Variants in SLC4A4 observed in about 807,000 individuals in gnomAD.
SLC4A4 encodes the protein solute carrier family 4 member 4.
In SLC4A4, 27 loss-of-function variants were observed where a neutral mutation model predicts 111.5. The ratio of observed to expected loss-of-function variants is 0.24; its 90% CI spans 0.18 to 0.33. SLC4A4 has a LOEUF of 0.33. Ranked by LOEUF, SLC4A4 falls within the 10% of genes least tolerant of loss-of-function variation. The pLI is 1.00. For synonymous variants in SLC4A4, 443 were observed against 463.4 expected (o/e 0.96, Z 0.57); for missense variants, 909 against 1,315.5 (o/e 0.69, Z 4.78).
chr4:71,384,201 A>G (rs963059769), intron 6 of SLC4A4, among the ~76,000 whole-genome samples: 2 of 152,200 alleles, frequency 1.3e-5, no homozygotes, highest in African/African-American at 4.8e-5. Flanking sequence ...CTTTAGCTGA[A>G]TTGCGTAATT....
At chr4:71,212,767 T>C (rs1347647681) in intron 1 of SLC4A4, among the ~76,000 whole-genome samples, 1 of 152,118 alleles carries the variant, frequency 6.6e-6, no homozygotes, top group East Asian at 1.9e-4. Flanking sequence ...ATGGGATAGG[T>C]ACTAGGGAGC....
At chr4:71,552,412 T>C (rs1736081943) in intron 20 of SLC4A4, among the ~76,000 whole-genome samples, 1 of 151,696 alleles carries the variant, frequency 6.6e-6, no homozygotes, top group East Asian at 2.0e-4. Flanking sequence ...ATTATTCTGC[T>C]AGAAGGTCTC....
At chr4:71,490,980 A>T (rs1729847090) in intron 15 of SLC4A4, among the ~76,000 whole-genome samples, 1 of 151,644 alleles carries the variant, frequency 6.6e-6, no homozygotes, top group Non-Finnish European at 1.5e-5. Flanking sequence ...ATAATAAAAT[A>T]AAAAATGTTT....
chr4:71,505,314 G>A (rs1390538457), intron 16 of SLC4A4, among the ~76,000 whole-genome samples: 1 of 151,906 alleles, frequency 6.6e-6, no homozygotes, highest in African/African-American at 2.4e-5. Flanking sequence ...TCCAGTAATG[G>A]ATATATACCC....
At chr4:71,546,649 T>C in intron 19 of SLC4A4, 121 bp downstream of exon 19, 1 of 898,422 alleles carries the variant, frequency 1.1e-6, no homozygotes, top group South Asian at 1.5e-5. Flanking sequence ...TTTATTCCTA[T>C]ATTTTTTGTT....
At chr4:71,312,065 C>T (rs1280037677) in intron 3 of SLC4A4, among the ~76,000 whole-genome samples, 1 of 152,034 alleles carries the variant, frequency 6.6e-6, no homozygotes, top group East Asian at 1.9e-4. Flanking sequence ...ATCAAATAGA[C>T]ACAATAAAAA....
In SLC4A4 at chr4:71,221,464, G is replaced by A. The variant is rs1048162277; in HGVS notation, c.-1-15112G>A. Among the ~76,000 whole-genome samples the A allele has an allele frequency of 6.6e-5, 10 of 152,280 alleles. No homozygotes were observed. The East Asian group carries it at 1.7e-3, about 26-fold the overall frequency. The stretch of plus-strand genomic sequence containing the variant: ...CATTTTCCCCCAAAGTGCAGTCAGT[G>A]TAACCATGGAATCAGAAAACTCATA... On this transcript the variant is annotated intron_variant, in intron 1 of 25. Transcript: ENST00000264485.
intron 3 of SLC4A4, among the ~76,000 whole-genome samples, chr4:71,270,418 A>G (rs567443521): frequency 6.6e-6 from 1 of 152,148 alleles, no homozygotes; most frequent in Admixed American, 6.5e-5. Context: ...TCCAGCTTCT[A>G]CCTTGTTATT....
chr4:71,498,741 G>A (rs902627368), intron 16 of SLC4A4, among the ~76,000 whole-genome samples: 2 of 152,112 alleles, frequency 1.3e-5, no homozygotes, highest in Non-Finnish European at 2.9e-5. Context: ...TTAGAAAGAA[G>A]CATTCAACTT....
chr4:71,458,087 T>A (rs907833383), intron 12 of SLC4A4, among the ~76,000 whole-genome samples: 2 of 152,126 alleles, frequency 1.3e-5, no homozygotes, highest in African/African-American at 2.4e-5. Flanking sequence ...GATGGGCCAA[T>A]TCATTTATAT....
intron 6 of SLC4A4, among the ~76,000 whole-genome samples, chr4:71,388,050 C>T (rs548610615): frequency 5.9e-5 from 9 of 152,248 alleles, no homozygotes; most frequent in Non-Finnish European, 1.2e-4. Context: ...ATGAAGGCAG[C>T]GAGATATTCA....
rs576022741 is a variant in SLC4A4 at position 71,260,450 on chromosome 4, G to T, written c.253+5051G>T. 2.0e-5 allele frequency among the ~76,000 whole-genome samples: 3 copies of T among 152,184 alleles called. No homozygotes were observed. In the East Asian group the frequency reaches 5.8e-4, roughly 29 times the overall value. ...AATCGATCTATATATAGGAGAAAAG[G>T]CTTTGGAAATGTATGAAAATGAGGT... On this transcript the variant is annotated intron_variant, in intron 3 of 25. Coordinates refer to ENST00000264485, the MANE Select transcript of SLC4A4 (RefSeq NM_001098484.3).
chr4:71,375,293 T>C (rs1019657029), intron 6 of SLC4A4, among the ~76,000 whole-genome samples: 4 of 152,224 alleles, frequency 2.6e-5, no homozygotes, highest in African/African-American at 9.6e-5. Context: ...GAGTCTGGCA[T>C]TCAAGGCCTA....
chr4:71,346,321 C>A (rs1028054254), intron 4 of SLC4A4, among the ~76,000 whole-genome samples: 3 of 151,970 alleles, frequency 2.0e-5, no homozygotes, highest in African/African-American at 7.2e-5. Context: ...ATTTAAAAAG[C>A]CTGCTTCTGA....
At chr4:71,363,944 A>T (rs1359553793) in intron 6 of SLC4A4, among the ~76,000 whole-genome samples, 1 of 152,246 alleles carries the variant, frequency 6.6e-6, no homozygotes, top group Non-Finnish European at 1.5e-5. Flanking sequence ...TAACTCATTC[A>T]TCAGGCACCA....
intron 3 of SLC4A4, among the ~76,000 whole-genome samples, chr4:71,286,579 A>T (rs1443916630): frequency 6.6e-6 from 1 of 152,234 alleles, no homozygotes; most frequent in East Asian, 1.9e-4. Flanking sequence ...AAGTTAGGCC[A>T]AACATTACAT....
chr4:71,093,718 C>G (rs1742455823), intron 2 of SLC4A4, among the ~76,000 whole-genome samples: 1 of 152,040 alleles, frequency 6.6e-6, no homozygotes, highest in Admixed American at 6.6e-5. Context: ...TGCATTTTCC[C>G]CCTTTGTGTC....
chr4:71,246,526 T>C (rs2149049398), intron 2 of SLC4A4, among the ~76,000 whole-genome samples: 1 of 152,266 alleles, frequency 6.6e-6, no homozygotes, highest in Admixed American at 6.5e-5. Flanking sequence ...GACATAAGAC[T>C]GGCTGCAGCA....
intron 16 of SLC4A4, among the ~76,000 whole-genome samples, chr4:71,530,898 G>A (rs1212529401): frequency 7.2e-5 from 11 of 152,108 alleles, no homozygotes. Flanking sequence ...AGCATCAGAA[G>A]CTGACTGCTC....
Sources: allele counts gnomAD v4.1 joint callset (sites outside exome capture counted in the v4.1 genomes callset), GRCh38; gene constraint gnomAD v4.1.1; transcripts MANE v1.5; gene names NCBI Gene and HGNC (gene_info 2026-07-23, HGNC 2026-07-21).